The following RBFOX1 variants were observed in gnomAD, a reference collection of about 807,000 sequenced individuals.
RBFOX1 encodes the protein RNA binding fox-1 homolog 1.
In RBFOX1, 8 loss-of-function variants were observed where a neutral mutation model predicts 57.7. The observed-to-expected ratio is 0.14, with a 90% confidence interval of 0.08 to 0.25. The LOEUF (loss-of-function observed/expected upper bound fraction) is 0.25, where lower values mean the gene tolerates loss of function less well. Among genes scored for constraint, RBFOX1 ranks in the 10% least tolerant of loss-of-function variants. RBFOX1 has a pLI of 1.00. For missense variants in RBFOX1, 611 were observed against 548.5 expected, an observed-to-expected ratio of 1.11 and a Z score of -1.14; for synonymous variants, 326 against 222.4, an observed-to-expected ratio of 1.47 and a Z score of -4.15.
intron 3 of RBFOX1, among the ~76,000 whole-genome samples, chr16:5,621,906 T>G (rs1275132958): frequency 6.6e-6 from 1 of 152,158 alleles, no homozygotes; most frequent in Admixed American, 6.5e-5. Flanking sequence ...CAGGAAAACA[T>G]CTTTCAGTGC....
intron 4 of RBFOX1, among the ~76,000 whole-genome samples, chr16:7,205,504 C>G (rs561159105): frequency 1.4e-5 from 2 of 145,390 alleles, no homozygotes; most frequent in South Asian, 2.1e-4. Flanking sequence ...TAGAGTGAGA[C>G]TCTGTCTCAG....
intron 1 of RBFOX1, among the ~76,000 whole-genome samples, chr16:5,410,970 G>A (rs141001281): frequency 8.5e-5 from 13 of 152,290 alleles, no homozygotes; most frequent in African/African-American, 2.9e-4. Flanking sequence ...TCAAAGGTTG[G>A]CGTGAAGATT....
At chr16:7,404,604 A>G (rs1259161506) in intron 4 of RBFOX1, among the ~76,000 whole-genome samples, 2 of 152,212 alleles carry the variant, frequency 1.3e-5, no homozygotes, top group Non-Finnish European at 2.9e-5. Flanking sequence ...AGTGACCAGT[A>G]CCTACACCTC....
At chr16:5,285,917 G>A (rs1363282363) in intron 1 of RBFOX1, among the ~76,000 whole-genome samples, 3 of 152,030 alleles carry the variant, frequency 2.0e-5, no homozygotes, top group East Asian at 1.9e-4. Context: ...GACTACAGGC[G>A]CCTGCCACCA....
intron 2 of RBFOX1, among the ~76,000 whole-genome samples, chr16:6,503,968 A>G (rs546512898): frequency 2.0e-5 from 3 of 152,324 alleles, no homozygotes; most frequent in East Asian, 1.9e-4. Flanking sequence ...CTTGAATTCA[A>G]GATACATGTA....
chr16:6,969,799 T>G (rs1474341525), intron 3 of RBFOX1, among the ~76,000 whole-genome samples: 1 of 151,974 alleles, frequency 6.6e-6, no homozygotes, highest in Non-Finnish European at 1.5e-5. Context: ...GGTGCCCCCT[T>G]CAGTTGTGTT....
intron 3 of RBFOX1, among the ~76,000 whole-genome samples, chr16:6,938,298 A>G (rs796496367): frequency 3.3e-5 from 5 of 152,252 alleles, no homozygotes; most frequent in African/African-American, 1.2e-4. Context: ...ATTTTTTGGT[A>G]TCGTCACAAG....
intron 5 of RBFOX1, among the ~76,000 whole-genome samples, chr16:7,551,082 G>C (rs1385994499): frequency 8.2e-6 from 1 of 121,480 alleles, no homozygotes; most frequent in African/African-American, 3.2e-5. Flanking sequence ...CAACAAGAGC[G>C]AGACTCAAAA....
intron 4 of RBFOX1, among the ~76,000 whole-genome samples, chr16:7,141,955 A>G (rs1259447142): frequency 2.0e-5 from 3 of 151,800 alleles, no homozygotes; most frequent in African/African-American, 2.4e-5. Flanking sequence ...GCGGGATCCT[A>G]TTTCTTATTT....
intron 1 of RBFOX1, among the ~76,000 whole-genome samples, chr16:5,455,020 T>TTCC (rs2068584444): frequency 8.6e-6 from 1 of 115,912 alleles, no homozygotes; most frequent in African/African-American, 3.2e-5. Flanking sequence ...TCTTTCTTTC[T>TTCC]TTCTCTCTCT....
chr16:6,858,091 A>G (rs1255258999), intron 3 of RBFOX1, among the ~76,000 whole-genome samples: 33 of 152,294 alleles, frequency 2.2e-4, no homozygotes, highest in Admixed American at 2.2e-3. Flanking sequence ...ATGTTTCTCT[A>G]ACTAGAAATT....
At chr16:6,914,740 G>A (rs1041151187) in intron 3 of RBFOX1, among the ~76,000 whole-genome samples, 1 of 152,098 alleles carries the variant, frequency 6.6e-6, no homozygotes, top group Non-Finnish European at 1.5e-5. Flanking sequence ...CTGGCATGGT[G>A]GTGTGCACCT....
chr16:5,919,947 C>G (rs949920714), intron 4 of RBFOX1, among the ~76,000 whole-genome samples: 1 of 150,876 alleles, frequency 6.6e-6, no homozygotes, highest in African/African-American at 2.5e-5. Context: ...ATCAGTACTT[C>G]CATTTTTTTT....
At chr16:5,872,659 C>T (rs1020104943) in intron 4 of RBFOX1, among the ~76,000 whole-genome samples, 1 of 151,898 alleles carries the variant, frequency 6.6e-6, no homozygotes, top group African/African-American at 2.4e-5. Context: ...TTGCTTGAGC[C>T]CAGGAGGTTG....
At chr16:6,824,002 A>G (rs893406636) in intron 3 of RBFOX1, among the ~76,000 whole-genome samples, 1 of 152,214 alleles carries the variant, frequency 6.6e-6, no homozygotes, top group Non-Finnish European at 1.5e-5. Flanking sequence ...GGCCCCATGA[A>G]TGAAAGTGTG....
chr16:7,149,565 A>C (rs1472341814), intron 4 of RBFOX1, among the ~76,000 whole-genome samples: 3 of 146,412 alleles, frequency 2.0e-5, no homozygotes, highest in Admixed American at 6.9e-5. Flanking sequence ...AGCTCAGTGC[A>C]ACCTCCTCCT....
At position 5,336,537 on chromosome 16, in the gene RBFOX1, C is replaced by G. The variant is rs1286051695; in HGVS notation, c.219+96432C>G. On this transcript the variant is annotated intron_variant, in intron 1 of 2. Coordinates refer to the RBFOX1 transcript ENST00000585867. ...GTGGATGAGCCGTCCTAGGTATGGT[C>G]AGACCTGTGGACAACTTGATCCCTG... 3.3e-5 allele frequency among the ~76,000 whole-genome samples: 5 copies of G among 152,288 alleles called. No homozygotes were observed. In the South Asian group the frequency reaches 8.3e-4, roughly 25 times the overall value.
At chr16:5,919,287 G>A (rs1289500182) in intron 4 of RBFOX1, among the ~76,000 whole-genome samples, 3 of 152,160 alleles carry the variant, frequency 2.0e-5, no homozygotes, top group African/African-American at 7.2e-5. Flanking sequence ...AAATCATGGT[G>A]TCACCCTACT....
At chr16:5,357,434 C>T (rs925657669) in intron 1 of RBFOX1, among the ~76,000 whole-genome samples, 4 of 152,210 alleles carry the variant, frequency 2.6e-5, no homozygotes, top group African/African-American at 9.6e-5. Flanking sequence ...GAGAACAGAA[C>T]AACGCAGTCT....
Sources: gnomAD v4.1 joint callset for allele counts (sites outside exome capture counted in the v4.1 genomes callset) on GRCh38, gnomAD v4.1.1 for gene constraint, MANE v1.5 for transcripts, NCBI Gene and HGNC (gene_info 2026-07-23, HGNC 2026-07-21) for gene names.